Variants in PAPPA2 observed in about 807,000 individuals in gnomAD.
The protein encoded by PAPPA2 is pappalysin 2.
Under a neutral mutation model 176.4 loss-of-function variants are expected in PAPPA2, and 86 were observed. The observed-to-expected ratio is 0.49, with a 90% CI of 0.41 to 0.58. The LOEUF (loss-of-function observed/expected upper bound fraction) is 0.58. Ranked by LOEUF, PAPPA2 falls within the 20% of genes least tolerant of loss-of-function variation. The probability of loss-of-function intolerance (pLI) is 0.00; values close to 1 mark genes in which losing one functional copy is unlikely to be tolerated. For synonymous variants in PAPPA2, 809 were observed against 852.2 expected (o/e 0.95, Z 0.88); for missense variants, 2,073 against 2,256.9 (o/e 0.92, Z 1.65).
chr1:176,635,336 T>C (rs1656633149), intron 3 of PAPPA2, among the ~76,000 whole-genome samples: 1 of 152,170 alleles, frequency 6.6e-6, no homozygotes, highest in Admixed American at 6.5e-5. Context: ...AAAATACACT[T>C]TGGATAGCAG....
intron 1 of PAPPA2, among the ~76,000 whole-genome samples, chr1:176,513,099 C>G (rs367824238): frequency 4.6e-5 from 7 of 152,122 alleles, no homozygotes; most frequent in South Asian, 2.1e-4. Flanking sequence ...CTCTCCTGGG[C>G]CTGGACTTAA....
At chr1:176,718,192 C>T (rs1661458093) in intron 12 of PAPPA2, among the ~76,000 whole-genome samples, 1 of 151,690 alleles carries the variant, frequency 6.6e-6, no homozygotes, top group African/African-American at 2.4e-5. Context: ...ATAATTTGTC[C>T]CTTAAAAAAA....
At position 176,690,408 on chromosome 1, in the gene PAPPA2, C is replaced by T. The variant is rs377580340; in HGVS notation, c.2409C>T (p.Phe803=). Residue 803 remains phenylalanine (F), a synonymous_variant, in exon 5 of 23, where the codon TTC becomes TTT. Transcript: ENST00000367662. ...CGFTRFPGAP[F]TNYMSYTDDN... ...TCACTCGCTTCCCAGGGGCTCCGTTCACCAACTACATGAGCTACACGGGTA... is the reference window on the plus strand; with the variant it reads ...TCACTCGCTTCCCAGGGGCTCCGTTTACCAACTACATGAGCTACACGGGTA... The T allele has an allele frequency of 5.9e-5, 96 of 1,614,000 alleles. No individual in the cohort carries two copies. Among genetic ancestry groups the T allele is most frequent in the Non-Finnish European group, 8.0e-5 (94 of 1,180,002 alleles).
At chr1:176,538,873 T>G (rs772726937) in intron 1 of PAPPA2, among the ~76,000 whole-genome samples, 1 of 152,160 alleles carries the variant, frequency 6.6e-6, no homozygotes, top group Non-Finnish European at 1.5e-5. Context: ...TTATAGCCTG[T>G]TTTTGCTTGG....
chr1:176,488,980 C>T (rs550393869), intron 1 of PAPPA2, among the ~76,000 whole-genome samples: 5 of 152,206 alleles, frequency 3.3e-5, no homozygotes, highest in Non-Finnish European at 7.4e-5. Context: ...TCTGGATCTG[C>T]GTACTCTCAT....
At chr1:176,796,257 C>T (rs1665421365) in intron 20 of PAPPA2, among the ~76,000 whole-genome samples, 1 of 152,136 alleles carries the variant, frequency 6.6e-6, no homozygotes, top group Admixed American at 6.5e-5. Flanking sequence ...ACAAGAGCGT[C>T]TTGGAGGAAA....
At chr1:176,479,942 T>A (rs1281057916) in intron 1 of PAPPA2, among the ~76,000 whole-genome samples, 3 of 152,224 alleles carry the variant, frequency 2.0e-5, no homozygotes, top group Non-Finnish European at 2.9e-5. Flanking sequence ...AAGCTTGGAT[T>A]TGAAGTTTTA....
chr1:176,528,663 C>A (rs2102548384), intron 1 of PAPPA2, among the ~76,000 whole-genome samples: 1 of 152,300 alleles, frequency 6.6e-6, no homozygotes, highest in South Asian at 2.1e-4. Flanking sequence ...ACATACGGCA[C>A]CAATTTCCCT....
intron 2 of PAPPA2, among the ~76,000 whole-genome samples, chr1:176,569,520 G>A (rs935712556): frequency 1.3e-5 from 2 of 152,278 alleles, no homozygotes; most frequent in Admixed American, 6.5e-5. Flanking sequence ...GAAACCTACC[G>A]TAATTTCCAT....
intron 1 of PAPPA2, among the ~76,000 whole-genome samples, chr1:176,528,918 T>A (rs1371543492): frequency 6.6e-6 from 1 of 152,210 alleles, no homozygotes. Context: ...AAGCCTTCCT[T>A]GATCCTTCCC....
At chr1:176,539,597 A>G (rs1172897187) in intron 1 of PAPPA2, among the ~76,000 whole-genome samples, 1 of 152,224 alleles carries the variant, frequency 6.6e-6, no homozygotes, top group African/African-American at 2.4e-5. Flanking sequence ...GGTGCTGGTT[A>G]TGACTCCAGC....
intron 3 of PAPPA2, among the ~76,000 whole-genome samples, chr1:176,609,017 A>T (rs1254482017): frequency 2.0e-5 from 3 of 152,234 alleles, no homozygotes; most frequent in Non-Finnish European, 4.4e-5. Context: ...ACTAATCTGG[A>T]GGCAGTATCC....
intron 3 of PAPPA2, among the ~76,000 whole-genome samples, chr1:176,629,086 G>A (rs1275006178): frequency 1.3e-5 from 2 of 152,210 alleles, no homozygotes; most frequent in South Asian, 2.1e-4. Flanking sequence ...TCCCTGTGAT[G>A]TTAACAGGAG....
In PAPPA2 at chr1:176,739,607, T is replaced by A; in HGVS notation, c.3799-19T>A. The A allele has an allele frequency of 1.2e-6, 2 of 1,607,724 alleles. No homozygotes were observed. The highest frequency in any genetic ancestry group is 1.7e-6 in the Non-Finnish European group (2 of 1,176,312). On this transcript the variant is annotated intron_variant, in intron 12 of 22. Transcript: ENST00000367662. ...CTCAATGGAAATAATGACTTATACA[T>A]AAATGTGCTTATGCTTAGGTGTGTT...
At chr1:176,644,923 G>A (rs558796311) in intron 3 of PAPPA2, among the ~76,000 whole-genome samples, 5 of 151,796 alleles carry the variant, frequency 3.3e-5, no homozygotes, top group South Asian at 2.1e-4. Context: ...CAGGTGCAGC[G>A]CCACAAGTAC....
At chr1:176,581,806 T>A (rs955036589) in intron 2 of PAPPA2, among the ~76,000 whole-genome samples, 2 of 152,012 alleles carry the variant, frequency 1.3e-5, no homozygotes, top group Admixed American at 1.3e-4. Flanking sequence ...ATGTTGATTT[T>A]GTATCCTGCA....
chr1:176,491,043 G>C (rs988119150), intron 1 of PAPPA2, among the ~76,000 whole-genome samples: 9 of 152,326 alleles, frequency 5.9e-5, no homozygotes, highest in Non-Finnish European at 2.9e-5. Context: ...TCTCTAACTG[G>C]CTTTGCTGCC....
chr1:176,560,523 A>G (rs914575104), intron 2 of PAPPA2, among the ~76,000 whole-genome samples: 2 of 152,148 alleles, frequency 1.3e-5, no homozygotes, highest in South Asian at 2.1e-4. Flanking sequence ...ACTGTGTACA[A>G]CTGCTCCACT....
intron 21 of PAPPA2, among the ~76,000 whole-genome samples, chr1:176,823,983 G>A (rs1417290217): frequency 2.0e-5 from 3 of 152,180 alleles, no homozygotes; most frequent in South Asian, 2.1e-4. Flanking sequence ...GCAAAGAAAG[G>A]AGAAAAGAGT....
Sources: gnomAD v4.1 joint callset for allele counts (sites outside exome capture counted in the v4.1 genomes callset) on GRCh38, gnomAD v4.1.1 for gene constraint, MANE v1.5 for transcripts, NCBI Gene and HGNC (gene_info 2026-07-23, HGNC 2026-07-21) for gene names.